The following LHFPL3 variants were observed in gnomAD, a reference collection of about 807,000 sequenced individuals.
LHFPL3 encodes the protein LHFPL tetraspan subfamily member 3, also known as LHFPL tetraspan subfamily member 3 protein.
In LHFPL3, 5 loss-of-function variants were observed where a neutral mutation model predicts 19.3. That is an observed-to-expected ratio of 0.26 (90% CI 0.14 to 0.54). LHFPL3 has a LOEUF of 0.54. Among genes scored for constraint, LHFPL3 ranks in the 20% least tolerant of loss-of-function variants. LHFPL3 has a pLI of 0.94. For synonymous variants in LHFPL3, 133 were observed against 126.2 expected (o/e 1.05, Z -0.36); for missense variants, 249 against 307.4 (o/e 0.81, Z 1.42).
intron 1 of LHFPL3, among the ~76,000 whole-genome samples, chr7:104,691,290 AT>A (rs1416042939): frequency 2.0e-5 from 3 of 152,206 alleles, no homozygotes; most frequent in Non-Finnish European, 4.4e-5. Flanking sequence ...AGTGGCTCAA[AT>A]GCCCATTGTC....
chr7:104,556,035 C>A (rs1044376735), intron 1 of LHFPL3, among the ~76,000 whole-genome samples: 1 of 152,212 alleles, frequency 6.6e-6, no homozygotes, highest in African/African-American at 2.4e-5. Flanking sequence ...AGGTGGGCTC[C>A]CATGGCCTTA....
Position 104,399,062 on chromosome 7 carries a change from G to A in LHFPL3, c.445+69838G>A, listed in dbSNP as rs137894504. Among the ~76,000 whole-genome samples the A allele has an allele frequency of 5.7e-4, 87 of 152,248 alleles. 1 individual carries two copies. The East Asian group carries it at 0.012, about 22-fold the overall frequency. On this transcript the variant is annotated intron_variant, in intron 1 of 2. Coordinates refer to ENST00000424859, the MANE Select transcript of LHFPL3 (RefSeq NM_199000.3). This position sits in a 1 kb window ranked among gnomAD's most constrained non-coding sequence, Gnocchi z 4.4. ...CAGGCTTTATGGTTGGAGGGCAAAC[G>A]CTAGTTTCCAGAAAGTTCCTGTGTG...
intron 1 of LHFPL3, among the ~76,000 whole-genome samples, chr7:104,610,505 A>G (rs575499141): frequency 1.3e-5 from 2 of 152,146 alleles, no homozygotes. Context: ...CTGGAGCCCA[A>G]GAGAGATGGT....
intron 1 of LHFPL3, among the ~76,000 whole-genome samples, chr7:104,509,085 T>G (rs1382802236): frequency 6.6e-6 from 1 of 152,042 alleles, no homozygotes. Flanking sequence ...TATAACTATA[T>G]AGGAACCTAA....
intron 1 of LHFPL3, among the ~76,000 whole-genome samples, chr7:104,516,772 A>C (rs41059): frequency 0.61 from 92,248 of 151,922 alleles, 28,283 homozygotes; most frequent in African/African-American, 0.67. Context: ...AACTACCATT[A>C]GACCCAATAA....
In LHFPL3 at chr7:104,726,856, G is replaced by T. The variant is rs184486472; in HGVS notation, c.446-9819G>T. 6.6e-5 allele frequency among the ~76,000 whole-genome samples: 10 copies of T among 152,282 alleles called. No homozygotes were observed. In the East Asian group the frequency reaches 1.9e-3, roughly 29 times the overall value. On this transcript the variant is annotated intron_variant, in intron 1 of 2. Transcript: ENST00000424859. ...CCTTTGGGTATATATCCAGTAATGG[G>T]ATTGCTGGGTCAAATGCTATTTCTG...
chr7:104,561,058 A>C, intron 1 of LHFPL3, among the ~76,000 whole-genome samples: 1 of 151,560 alleles, frequency 6.6e-6, no homozygotes. Flanking sequence ...AGTTTGTTAT[A>C]ATTTCTGTTC....
chr7:104,772,621 T>C (rs1258162329), intron 2 of LHFPL3, among the ~76,000 whole-genome samples: 2 of 152,218 alleles, frequency 1.3e-5, no homozygotes, highest in Non-Finnish European at 2.9e-5. Context: ...GCAAAGTGAA[T>C]GGAAACATCA....
intron 2 of LHFPL3, among the ~76,000 whole-genome samples, chr7:104,822,282 A>G (rs1445271301): frequency 1.3e-5 from 2 of 152,240 alleles, no homozygotes; most frequent in South Asian, 2.1e-4. Flanking sequence ...ACAAATATCT[A>G]GAAGTGTTCA....
chr7:104,862,607 G>A (rs1791636257), intron 2 of LHFPL3, among the ~76,000 whole-genome samples: 1 of 138,330 alleles, frequency 7.2e-6, no homozygotes, highest in Non-Finnish European at 1.5e-5. Context: ...GTAGATCTGG[G>A]CCAACCTGTG....
chr7:104,823,607 A>C (rs1790720091), intron 2 of LHFPL3, among the ~76,000 whole-genome samples: 1 of 152,186 alleles, frequency 6.6e-6, no homozygotes, highest in East Asian at 1.9e-4. Flanking sequence ...ATTATGCCAT[A>C]AAGATCACTA....
intron 1 of LHFPL3, among the ~76,000 whole-genome samples, chr7:104,674,779 A>G (rs1297249092): frequency 6.6e-6 from 1 of 152,258 alleles, no homozygotes; most frequent in East Asian, 1.9e-4. Context: ...ACATCATAAT[A>G]CAATTTTAAT....
chr7:104,614,004 T>C (rs185030129), intron 1 of LHFPL3, among the ~76,000 whole-genome samples: 1 of 152,224 alleles, frequency 6.6e-6, no homozygotes, highest in Admixed American at 6.5e-5. Flanking sequence ...TCTTTTCTAA[T>C]GATCATATTT....
At chr7:104,613,586 A>G (rs1260495331) in intron 1 of LHFPL3, among the ~76,000 whole-genome samples, 1 of 152,080 alleles carries the variant, frequency 6.6e-6, no homozygotes, top group Non-Finnish European at 1.5e-5. Flanking sequence ...ACTCAACCTA[A>G]TTCCGCAACA....
At chr7:104,468,614 T>G (rs1379885729) in intron 1 of LHFPL3, among the ~76,000 whole-genome samples, 1 of 151,664 alleles carries the variant, frequency 6.6e-6, no homozygotes, top group Non-Finnish European at 1.5e-5. Flanking sequence ...ACAGTTTCCA[T>G]GGAGAATGAC....
chr7:104,656,217 C>T (rs1792118455), intron 1 of LHFPL3, among the ~76,000 whole-genome samples: 1 of 147,910 alleles, frequency 6.8e-6, no homozygotes, highest in African/African-American at 2.5e-5. Flanking sequence ...TTAGGGATTA[C>T]AGATGAAAAG....
At chr7:104,374,919 A>T (rs1365163912) in intron 1 of LHFPL3, among the ~76,000 whole-genome samples, 1 of 152,200 alleles carries the variant, frequency 6.6e-6, no homozygotes, top group Non-Finnish European at 1.5e-5. Flanking sequence ...TTGGCAGCAG[A>T]ATGGTCTGAC....
intron 2 of LHFPL3, among the ~76,000 whole-genome samples, chr7:104,849,354 G>A (rs79761760): frequency 0.015 from 2,359 of 152,256 alleles, 76 homozygotes; most frequent in African/African-American, 0.051. Flanking sequence ...CTGAGCTCCC[G>A]AGAGTCTGAA....
At chr7:104,508,342 A>C (rs1337742226) in intron 1 of LHFPL3, among the ~76,000 whole-genome samples, 1 of 151,474 alleles carries the variant, frequency 6.6e-6, no homozygotes, top group Non-Finnish European at 1.5e-5. Context: ...CATCATTCTC[A>C]GTAAACTATC....
Sources: gnomAD v4.1 joint callset for allele counts (sites outside exome capture counted in the v4.1 genomes callset) on GRCh38, gnomAD v4.1.1 for gene constraint, Gnocchi (gnomAD v3.1) non-coding constraint, MANE v1.5 for transcripts, NCBI Gene and HGNC (gene_info 2026-07-23, HGNC 2026-07-21) for gene names.